Variants in KLHL29 observed in about 807,000 individuals in gnomAD.
The protein encoded by KLHL29 is kelch-like protein 29.
KLHL29 carries 21 observed loss-of-function variants against 80.4 expected under a neutral mutation model. The ratio of observed to expected loss-of-function variants is 0.26; its 90% confidence interval spans 0.19 to 0.38. The LOEUF is 0.38. KLHL29 is among the 10% of genes least tolerant of loss of function. The pLI is 1.00. For synonymous variants in KLHL29, 511 were observed against 526.8 expected (o/e 0.97, Z 0.41); for missense variants, 867 against 1,223.9 (o/e 0.71, Z 4.35).
At chr2:23,472,477 T>C (rs1664520128) in intron 1 of KLHL29, among the ~76,000 whole-genome samples, 1 of 152,088 alleles carries the variant, frequency 6.6e-6, no homozygotes, top group Admixed American at 6.5e-5. Flanking sequence ...CTACTAAAAA[T>C]ACAAAAATTA....
chr2:23,657,185 G>A (rs1409974864), intron 5 of KLHL29, among the ~76,000 whole-genome samples: 1 of 152,146 alleles, frequency 6.6e-6, no homozygotes, highest in Non-Finnish European at 1.5e-5. Flanking sequence ...GAATTTGAGA[G>A]CTTCCTGAGG....
rs1671039260 is a variant in KLHL29, at chr2:23,680,287, G to A, written c.941-4112G>A. 6.6e-6 allele frequency among the ~76,000 whole-genome samples: 1 copy of A among 152,154 alleles called. No homozygotes were observed. The highest frequency in any genetic ancestry group is 2.1e-4 in the South Asian group (1 of 4,834). ...GGAGTCTGGGGAAGGCCTGCGGATT[G>A]CGGGCAGTGGACCGTCTTCCACGGG... is the stretch of plus-strand genomic sequence containing the variant. On this transcript the variant is annotated intron_variant, in intron 5 of 13. Coordinates refer to ENST00000486442, the MANE Select transcript of KLHL29 (RefSeq NM_052920.2). The surrounding 1 kb of genome is among the most constrained non-coding windows in gnomAD (Gnocchi z 4.1).
At chr2:23,537,417 T>TACACACACAC (rs5741924) in intron 2 of KLHL29, among the ~76,000 whole-genome samples, 6 of 149,050 alleles carry the variant, frequency 4.0e-5, no homozygotes, top group Non-Finnish European at 6.0e-5. Flanking sequence ...GGGCAGAAAC[T>TACACACACAC]ACACACACAC....
At chr2:23,443,650 G>A (rs1663595325) in intron 1 of KLHL29, among the ~76,000 whole-genome samples, 2 of 152,114 alleles carry the variant, frequency 1.3e-5, no homozygotes, top group Admixed American at 1.3e-4. Flanking sequence ...ATATTCAAAG[G>A]CTAGACTAGA....
At chr2:23,462,556 A>G (rs1386177380) in intron 1 of KLHL29, among the ~76,000 whole-genome samples, 1 of 152,178 alleles carries the variant, frequency 6.6e-6, no homozygotes, top group East Asian at 1.9e-4. Context: ...CCGTTTTCTC[A>G]TCTGCAAAAT....
intron 1 of KLHL29, among the ~76,000 whole-genome samples, chr2:23,414,307 T>G (rs1296712626): frequency 7.1e-6 from 1 of 140,586 alleles, no homozygotes; most frequent in African/African-American, 2.6e-5. Context: ...GCAGACAGAG[T>G]GGGTGGCACT....
chr2:23,693,352 A>G lies in KLHL29; in HGVS notation c.1366A>G (p.Lys456Glu), dbSNP rs756193229. Residue 456 changes from lysine to glutamate, a missense_variant, in exon 8 of 14, where the codon AAG becomes GAG. By Grantham distance (56) the Lys-to-Glu change is moderately conservative (BLOSUM62 1). This residue lies in a region of KLHL29 where 443 missense variants were observed against 767.0 expected (regional missense o/e 0.58). Coordinates refer to ENST00000486442, the MANE Select transcript of KLHL29 (RefSeq NM_052920.2). ...MQCSELYHMAKAFALQIFPEV... is the reference protein window; with the variant it reads ...MQCSELYHMAEAFALQIFPEV... ...GTGCAGCGAGCTCTACCACATGGCC[A>G]AGGCCTTCGCGCTGCAGATCTTCCC... 6.4e-6 allele frequency: 10 copies of G among 1,551,608 alleles called. No homozygotes were observed. The highest frequency in any genetic ancestry group is 8.7e-6 in the Non-Finnish European group (10 of 1,146,980).
In KLHL29 at chr2:23,639,415, G is replaced by A. The variant is rs1669706797; in HGVS notation, c.427+135G>A. On this transcript the variant is annotated intron_variant, in intron 4 of 13. Transcript: ENST00000486442. ...GCAGAAGCCCCCTCCTCAGGTTCAG[G>A]GGGCAAAGGCACTGTGTGTAATTCC... 25 of 798,398 alleles carry A rather than the reference G, an allele frequency of 3.1e-5. No individual in the cohort carries two copies. In the South Asian group the frequency reaches 4.6e-4, roughly 15 times the overall value. 49.5% of individuals were successfully genotyped at this position (798,398 alleles called of 1,614,324 possible). A position where few individuals can be genotyped will look rare whatever the true frequency, so the allele number is the denominator to read the frequency against.
chr2:23,489,719 G>A (rs1665040690), intron 2 of KLHL29, among the ~76,000 whole-genome samples: 1 of 151,852 alleles, frequency 6.6e-6, no homozygotes, highest in Non-Finnish European at 1.5e-5. Flanking sequence ...GAATGTGCCT[G>A]GCCCCTGCAA....
chr2:23,661,042 AGAG>A (rs1213262137), intron 5 of KLHL29, among the ~76,000 whole-genome samples: 76 of 148,460 alleles, frequency 5.1e-4, no homozygotes, highest in African/African-American at 1.8e-3. Context: ...AGAAAAAAAA[AGAG>A]AGAGAGAGAG....
At chr2:23,542,292 C>T (rs541788087) in intron 2 of KLHL29, among the ~76,000 whole-genome samples, 3 of 152,266 alleles carry the variant, frequency 2.0e-5, no homozygotes, top group East Asian at 3.9e-4. Context: ...AGAGGACTTA[C>T]TTTAGTCCCA....
At chr2:23,402,188 G>T (rs1444447876) in intron 1 of KLHL29, among the ~76,000 whole-genome samples, 1 of 152,152 alleles carries the variant, frequency 6.6e-6, no homozygotes, top group Non-Finnish European at 1.5e-5. Context: ...TGGGTGAGGG[G>T]TCATCTAAGA....
At chr2:23,485,851 G>T (rs562267548) in intron 2 of KLHL29, among the ~76,000 whole-genome samples, 3 of 152,320 alleles carry the variant, frequency 2.0e-5, no homozygotes, top group African/African-American at 7.2e-5. Context: ...TCTGGTGGTT[G>T]TAAGGACTAA....
intron 3 of KLHL29, among the ~76,000 whole-genome samples, chr2:23,575,779 G>A (rs1347080194): frequency 6.6e-6 from 1 of 152,156 alleles, no homozygotes; most frequent in African/African-American, 2.4e-5. Flanking sequence ...AGAGAGAGGG[G>A]AAAAGATGCA....
chr2:23,425,902 G>A (rs1662992675), intron 1 of KLHL29, among the ~76,000 whole-genome samples: 1 of 152,196 alleles, frequency 6.6e-6, no homozygotes, highest in African/African-American at 2.4e-5. Flanking sequence ...GCCCAGAGAG[G>A]TGGGAAGAGG....
chr2:23,662,720 C>T (rs930929455), intron 5 of KLHL29, among the ~76,000 whole-genome samples: 12 of 152,298 alleles, frequency 7.9e-5, no homozygotes, highest in African/African-American at 2.6e-4. Context: ...GCTCACCTCC[C>T]GAGCCACCTC....
chr2:23,526,117 G>A (rs1415332714), intron 2 of KLHL29, among the ~76,000 whole-genome samples: 2 of 152,230 alleles, frequency 1.3e-5, no homozygotes, highest in East Asian at 3.9e-4. Flanking sequence ...CTGGAATAGG[G>A]ATCCCATCGT....
chr2:23,458,260 C>T (rs1664116881), intron 1 of KLHL29, among the ~76,000 whole-genome samples: 2 of 152,220 alleles, frequency 1.3e-5, no homozygotes, highest in Admixed American at 1.3e-4. Context: ...CTGCTTTCTG[C>T]AAGGCACTGG....
chr2:23,534,785 T>C (rs1195554155), intron 2 of KLHL29, among the ~76,000 whole-genome samples: 1 of 152,194 alleles, frequency 6.6e-6, no homozygotes, highest in Non-Finnish European at 1.5e-5. Flanking sequence ...TGTGGGTGAC[T>C]AGTCAACTGC....
Sources: allele counts gnomAD v4.1 joint callset (sites outside exome capture counted in the v4.1 genomes callset), GRCh38; gene constraint gnomAD v4.1.1; regional missense constraint gnomAD v4.1.1; non-coding constraint Gnocchi (gnomAD v3.1); transcripts MANE v1.5; gene names NCBI Gene and HGNC (gene_info 2026-07-23, HGNC 2026-07-21).